The following KLHL28 variants were observed in gnomAD, a reference collection of about 807,000 sequenced individuals.
The protein encoded by KLHL28 is kelch like family member 28, also known as kelch-like protein 28.
KLHL28 carries 22 observed loss-of-function variants against 48.3 expected under a neutral mutation model. That is an observed-to-expected ratio of 0.46 (90% CI 0.33 to 0.65). The LOEUF (loss-of-function observed/expected upper bound fraction) is 0.65, where lower values mean the gene tolerates loss of function less well. Ranked by LOEUF, KLHL28 falls within the 30% of genes least tolerant of loss-of-function variation. The pLI is 0.03. For synonymous variants in KLHL28, 243 were observed against 242.4 expected, an observed-to-expected ratio of 1.00 and a Z score of -0.02; for missense variants, 527 against 704.3, an observed-to-expected ratio of 0.75 and a Z score of 2.85.
Position 44,927,323 on chromosome 14 carries a change from A to C in KLHL28, c.*1705T>G, listed in dbSNP as rs1257959466. 6.6e-6 allele frequency: 1 copy of C among 152,638 alleles called. No homozygotes were observed. The highest frequency in any genetic ancestry group is 2.4e-5 in the African/African-American group (1 of 41,460). 9.5% of individuals were successfully genotyped at this position (152,638 alleles called of 1,614,324 possible). On this transcript the variant is annotated 3_prime_UTR_variant, in exon 5 of 5. Transcript: ENST00000396128. ...GCCCGGCTATAGTATTCAAGAAATA[A>C]ACATATATACTAACAAATGAACCTA...
rs895999569 is a variant in KLHL28, at chr14:44,945,659, C to T, written c.270G>A (p.Val90=). Residue 90 remains valine (V), a synonymous_variant, in exon 2 of 5, where the codon GTG becomes GTA. Transcript: ENST00000396128. ...AAACAGTCCCTGTATAGGCATACTC[C>T]ACAATGGCCTGGAGAGCAGTTTCAT... ...CIDETALQAI[V]EYAYTGTVFI... 1 of 1,614,152 alleles carries T rather than the reference C, an allele frequency of 6.2e-7. No homozygotes were observed. Among genetic ancestry groups the T allele is most frequent in the South Asian group, 1.1e-5 (1 of 91,084 alleles).
At chr14:44,948,009 C>A (rs1420567452) in intron 1 of KLHL28, among the ~76,000 whole-genome samples, 1 of 152,052 alleles carries the variant, frequency 6.6e-6, no homozygotes, top group African/African-American at 2.4e-5. Flanking sequence ...GATCTGTACA[C>A]GTTCTGTTAG....
chr14:44,927,666 G>A lies in KLHL28; in HGVS notation c.*1362C>T, dbSNP rs950950440. ...TACAGCAAACAATTTTGCTTTAAAA[G>A]ATCATTTCTTTAATCAAAGTAGAAC... On this transcript the variant is annotated 3_prime_UTR_variant, in exon 5 of 5. Transcript: ENST00000396128. 2 of 152,560 alleles carry A rather than the reference G, an allele frequency of 1.3e-5. No individual in the cohort carries two copies. Among genetic ancestry groups the A allele is most frequent in the African/African-American group, 4.8e-5 (2 of 41,444 alleles). The allele number at this position is 152,560 out of a possible 1,614,324, so 9.5% of individuals were successfully genotyped here.
chr14:44,957,458 T>C (rs1299873200), intron 1 of KLHL28, among the ~76,000 whole-genome samples: 4 of 152,198 alleles, frequency 2.6e-5, no homozygotes, highest in South Asian at 4.1e-4. Context: ...TTCTTAATCT[T>C]GGAACAATGC....
intron 2 of KLHL28, among the ~76,000 whole-genome samples, chr14:44,944,803 A>G (rs1006766428): frequency 6.6e-6 from 1 of 152,234 alleles, no homozygotes; most frequent in Non-Finnish European, 1.5e-5. Flanking sequence ...CCAGGTGGAT[A>G]AAGTGTGCAC....
In KLHL28 at chr14:44,945,345, T is replaced by A; in HGVS notation, c.584A>T (p.Glu195Val). Residue 195 changes from glutamate to valine, a missense_variant, in exon 2 of 5, where the codon GAA becomes GTA. Physicochemically the swap from Glu to Val is moderately radical, Grantham distance 121. Transcript: ENST00000396128. ...CTCTAATGCATAAAAAACAGTCTCT[T>A]CGGTAGCTACATTCAAACAGTCATT... ...VSNDCLNVAT[E>V]ETVFYALESW... 6.2e-7 allele frequency: 1 copy of A among 1,614,160 alleles called. No individual in the cohort carries two copies. The highest frequency in any genetic ancestry group is 1.1e-5 in the South Asian group (1 of 91,086).
rs1256373679 is a variant in KLHL28, at chr14:44,945,881, C to A, written c.48G>T (p.Leu16Phe). 1 of 1,614,034 alleles carries A rather than the reference C, an allele frequency of 6.2e-7. No individual in the cohort carries two copies. Among genetic ancestry groups the A allele is most frequent in the Non-Finnish European group, 8.5e-7 (1 of 1,179,952 alleles). The change falls in exon 2 of 5, where the codon TTG (leucine) becomes TTT (phenylalanine). Residue 16 changes from leucine to phenylalanine, a missense_variant. Physicochemically the swap from Leu to Phe is conservative, Grantham distance 22 (BLOSUM62 0). Coordinates refer to ENST00000396128, the MANE Select transcript of KLHL28 (RefSeq NM_017658.5). The stretch of plus-strand genomic sequence containing the variant: ...AGCCCTGCAGAAGTTGTTCAGAATG[C>A]AAGTGGGTTAAGTTAGCAAGCATGT... The part of the protein sequence containing the change: ...PTYMLANLTH[L>F]HSEQLLQGLN...
At position 44,931,346 on chromosome 14, in the gene KLHL28, T is replaced by G. The variant is rs143524307; in HGVS notation, c.1539A>C (p.Lys513Asn). The G allele has an allele frequency of 5.8e-5, 94 of 1,611,286 alleles. No homozygotes were observed. The highest frequency in any genetic ancestry group is 8.0e-5 in the Non-Finnish European group (94 of 1,177,688). Residue 513 changes from lysine (K) to asparagine (N), a missense_variant, in exon 4 of 5, where the codon AAA becomes AAC. Coordinates refer to ENST00000396128, the MANE Select transcript of KLHL28 (RefSeq NM_017658.5). ...AATTCTTATTACCTGTTCTAGGTTC[T>G]TTCATTGGTCTACACACAGTCCACT... The part of the protein sequence containing the change: ...QNQWTVCRPM[K>N]EPRTGVGAAV...
At chr14:44,960,801 C>A in intron 1 of KLHL28, 1 of 423,898 alleles carries the variant, frequency 2.4e-6, no homozygotes, top group Middle Eastern at 4.0e-4. Flanking sequence ...GCACTTGCAT[C>A]AGCTGGGAGC....
At chr14:44,953,505 T>C (rs1485848265) in intron 1 of KLHL28, 2 of 152,518 alleles carry the variant, frequency 1.3e-5, no homozygotes, top group Non-Finnish European at 2.9e-5. Flanking sequence ...TAAAGGGTTA[T>C]CACAGGAGTG....
chr14:44,955,709 C>A (rs1213821023), intron 1 of KLHL28, among the ~76,000 whole-genome samples: 2 of 152,142 alleles, frequency 1.3e-5, no homozygotes, highest in East Asian at 3.9e-4. Context: ...TTGCTTGTGC[C>A]CAGGAGGTCG....
At chr14:44,932,250 T>TGGG (rs201731863) in intron 3 of KLHL28, among the ~76,000 whole-genome samples, 6 of 80,020 alleles carry the variant, frequency 7.5e-5, no homozygotes, top group South Asian at 5.2e-4. Context: ...AAGAGAGGGG[T>TGGG]GGGGGGTGGG....
intron 1 of KLHL28, among the ~76,000 whole-genome samples, chr14:44,956,241 A>C (rs1352482178): frequency 6.6e-6 from 1 of 152,124 alleles, no homozygotes. Flanking sequence ...GGTTACAGAC[A>C]TGAGCCACTA....
At position 44,926,861 on chromosome 14, in the gene KLHL28, T is replaced by G. The variant is rs1883390879; in HGVS notation, c.*2167A>C. On this transcript the variant is annotated 3_prime_UTR_variant, in exon 5 of 5. Transcript: ENST00000396128. Reference sequence around the variant, plus strand: ...TCCCTTATCTTTTGGGAATAGGGGATTAAAAATAGTATAATAGGATATATT... The same window carrying G: ...TCCCTTATCTTTTGGGAATAGGGGAGTAAAAATAGTATAATAGGATATATT... 6.6e-6 allele frequency: 1 copy of G among 152,302 alleles called. No homozygotes were observed. The highest frequency in any genetic ancestry group is 1.5e-5 in the Non-Finnish European group (1 of 68,022). The allele number at this position is 152,302 out of a possible 1,614,324, so 9.4% of individuals were successfully genotyped here. A position where few individuals can be genotyped will look rare whatever the true frequency, so the allele number is the denominator to read the frequency against.
intron 1 of KLHL28, among the ~76,000 whole-genome samples, chr14:44,959,979 A>C (rs924356223): frequency 2.0e-5 from 3 of 152,240 alleles, no homozygotes; most frequent in African/African-American, 7.2e-5. Context: ...TTTATGTTCC[A>C]CAAAATAACT....
chr14:44,939,563 C>T lies in KLHL28; in HGVS notation c.900-5005G>A, dbSNP rs1237016237. Reference sequence around the variant, plus strand: ...GCCACAAAGCAGCCTGAATGTTCATCGCTCTGAAGTTCTGCATTCCATAAA... The same window carrying T: ...GCCACAAAGCAGCCTGAATGTTCATTGCTCTGAAGTTCTGCATTCCATAAA... On this transcript the variant is annotated intron_variant, in intron 2 of 4. Transcript: ENST00000396128. Among the ~76,000 whole-genome samples the T allele has an allele frequency of 2.6e-5, 4 of 152,186 alleles. 1 individual carries two copies. The highest frequency in any genetic ancestry group is 9.7e-5 in the African/African-American group (4 of 41,430).
At position 44,934,569 on chromosome 14, in the gene KLHL28, A is replaced by C. The variant is rs761129045; in HGVS notation, c.900-11T>G. The C allele has an allele frequency of 6.5e-7, 1 of 1,528,640 alleles. No individual in the cohort carries two copies. The allele number at this position is 1,528,640 out of a possible 1,614,324, so 94.7% of individuals were successfully genotyped here. On this transcript the variant is annotated splice_polypyrimidine_tract_variant and intron_variant, in intron 2 of 4. Transcript: ENST00000396128. ...AAGTACATCTCCACACTAAAGAATA[A>C]GCAGAAAAAATATAAAATTTAAAAA...
At position 44,934,198 on chromosome 14, in the gene KLHL28, C is replaced by T. The variant is rs373999644; in HGVS notation, c.1260G>A (p.Thr420=). The change falls in exon 3 of 5, where the codon ACG becomes ACA. Residue 420 remains threonine, a synonymous_variant. Coordinates refer to ENST00000396128, the MANE Select transcript of KLHL28 (RefSeq NM_017658.5). ...CTGCAGCAAAACAACTTCTTGTTGT[C>T]GTCATTGGTGCCACAGGTTGCCATT... ...IRKWQPVAPM[T]TTRSCFAAAV... is the part of the protein sequence containing the mutation. 35 of 1,614,106 alleles carry T rather than the reference C, an allele frequency of 2.2e-5. No individual in the cohort carries two copies. In the African/African-American group the frequency reaches 3.3e-4, roughly 15 times the overall value.
intron 2 of KLHL28, among the ~76,000 whole-genome samples, chr14:44,935,604 T>C (rs1272027385): frequency 2.6e-5 from 4 of 151,946 alleles, no homozygotes; most frequent in African/African-American, 9.7e-5. Flanking sequence ...TTACTGCACT[T>C]ATATTAAAAC....
Sources: allele counts gnomAD v4.1 joint callset (sites outside exome capture counted in the v4.1 genomes callset), GRCh38; gene constraint gnomAD v4.1.1; transcripts MANE v1.5; gene names NCBI Gene and HGNC (gene_info 2026-07-23, HGNC 2026-07-21).